ABTB2: variants seen among roughly 807,000 people sequenced by gnomAD.
The protein encoded by ABTB2 is ankyrin repeat and BTB domain containing 2, also known as ankyrin repeat and BTB/POZ domain-containing protein 2.
In ABTB2, 56 loss-of-function variants were observed where a neutral mutation model predicts 104.1. The ratio of observed to expected loss-of-function variants is 0.54; its 90% CI spans 0.43 to 0.67. The LOEUF (loss-of-function observed/expected upper bound fraction) is 0.67. Ranked by LOEUF, ABTB2 falls within the 30% of genes least tolerant of loss-of-function variation. ABTB2 has a pLI of 0.00. For synonymous variants in ABTB2, 606 were observed against 608.2 expected (o/e 1.00, Z 0.05); for missense variants, 1,279 against 1,407.7 (o/e 0.91, Z 1.46).
At chr11:34,273,435 G>A (rs1014478307) in intron 1 of ABTB2, among the ~76,000 whole-genome samples, 1 of 152,174 alleles carries the variant, frequency 6.6e-6, no homozygotes, top group East Asian at 1.9e-4. Context: ...AGCTGGCAGG[G>A]GATGCAGAAG....
At chr11:34,283,845 A>C (rs536364535) in intron 1 of ABTB2, among the ~76,000 whole-genome samples, 19 of 152,330 alleles carry the variant, frequency 1.2e-4, no homozygotes, top group Admixed American at 1.1e-3. Context: ...CAGGCTTCCA[A>C]CTGGCTTTCT....
chr11:34,163,529 GACCCAGGCTC>G (rs1852752753), intron 9 of ABTB2, among the ~76,000 whole-genome samples: 1 of 152,310 alleles, frequency 6.6e-6, no homozygotes, highest in South Asian at 2.1e-4. Flanking sequence ...CTGGCTCCAA[GACCCAGGCTC>G]ATTCTGTCAC....
chr11:34,167,420 C>A, intron 6 of ABTB2, 60 bp from the exon 7 acceptor site: 1 of 1,411,254 alleles, frequency 7.1e-7, no homozygotes. Context: ...GAGTACCCTG[C>A]AGGGATGGTG....
At chr11:34,345,434 T>C (rs1590265043) in intron 1 of ABTB2, among the ~76,000 whole-genome samples, 1 of 152,282 alleles carries the variant, frequency 6.6e-6, no homozygotes, top group South Asian at 2.1e-4. Flanking sequence ...CCTGGAACAG[T>C]GCCCAGCACA....
intron 1 of ABTB2, among the ~76,000 whole-genome samples, chr11:34,219,787 C>T (rs1853594531): frequency 6.6e-6 from 1 of 152,188 alleles, no homozygotes; most frequent in Non-Finnish European, 1.5e-5. Context: ...CATAAGTACA[C>T]ACTATGATGT....
In ABTB2 at chr11:34,170,899, G is replaced by A; in HGVS notation, c.1563+7C>T. On this transcript the variant is annotated splice_region_variant and intron_variant, in intron 5 of 16. Transcript: ENST00000435224. ...GTGCCTGTCTTTGTGGAGCTCTCAGGACGTACCTGGTCATCCATGGTGTTA... is the reference window on the plus strand; with the variant it reads ...GTGCCTGTCTTTGTGGAGCTCTCAGAACGTACCTGGTCATCCATGGTGTTA... 1.9e-6 allele frequency: 3 copies of A among 1,612,758 alleles called. No homozygotes were observed. Among genetic ancestry groups the A allele is most frequent in the Non-Finnish European group, 2.5e-6 (3 of 1,179,302 alleles).
intron 1 of ABTB2, among the ~76,000 whole-genome samples, chr11:34,234,880 CAG>C (rs1719180689): frequency 6.6e-6 from 1 of 152,156 alleles, no homozygotes; most frequent in Non-Finnish European, 1.5e-5. Flanking sequence ...ATTTTTGAGA[CAG>C]AGTCTCGCTC....
At chr11:34,199,950 G>A (rs958184981) in intron 2 of ABTB2, among the ~76,000 whole-genome samples, 3 of 152,108 alleles carry the variant, frequency 2.0e-5, no homozygotes, top group East Asian at 1.9e-4. Context: ...ACTGCCTGCC[G>A]TCAAACTCTG....
In ABTB2 at chr11:34,204,661, G is replaced by T; in HGVS notation, c.913C>A (p.Pro305Thr). The T allele has an allele frequency of 6.2e-7, 1 of 1,614,002 alleles. No homozygotes were observed. The highest frequency in any genetic ancestry group is 8.5e-7 in the Non-Finnish European group (1 of 1,179,964). Reference protein sequence around the residue: ...GVLSLPAYFSPYNGGSLGHDE... With the variant: ...GVLSLPAYFSTYNGGSLGHDE... Reference sequence around the variant, plus strand: ...TGGCCCAGGGACCCGCCGTTGTAGGGGCTGAAGTATGCGGGGAGGGAGAGG... The same window carrying T: ...TGGCCCAGGGACCCGCCGTTGTAGGTGCTGAAGTATGCGGGGAGGGAGAGG... The change falls in exon 2 of 17, where the codon CCC (proline) becomes ACC (threonine). Residue 305 changes from proline (P) to threonine (T), a missense_variant. Coordinates refer to ENST00000435224, the MANE Select transcript of ABTB2 (RefSeq NM_145804.3).
intron 4 of ABTB2, among the ~76,000 whole-genome samples, chr11:34,172,092 G>A (rs1390518579): frequency 5.3e-5 from 8 of 151,952 alleles, no homozygotes; most frequent in African/African-American, 1.2e-4. Context: ...AAGATATAAG[G>A]CCAGGAGCAG....
chr11:34,154,779 G>T lies in ABTB2; in HGVS notation c.2698-10C>A. On this transcript the variant is annotated splice_polypyrimidine_tract_variant and intron_variant, in intron 14 of 16. Transcript: ENST00000435224. The surrounding 1 kb of genome is among the most constrained non-coding windows in gnomAD (Gnocchi z 4.9). Reference sequence around the variant, plus strand: ...GATACTGCATCATCATCTGTGGTGGGAAGAGGCCCATGTGAATGCCACGTG... The same window carrying T: ...GATACTGCATCATCATCTGTGGTGGTAAGAGGCCCATGTGAATGCCACGTG... 1 of 1,613,928 alleles carries T rather than the reference G, an allele frequency of 6.2e-7. No homozygotes were observed. Among genetic ancestry groups the T allele is most frequent in the Non-Finnish European group, 8.5e-7 (1 of 1,179,864 alleles).
chr11:34,309,857 GT>G (rs1854829200), intron 1 of ABTB2, among the ~76,000 whole-genome samples: 1 of 150,116 alleles, frequency 6.7e-6, no homozygotes, highest in African/African-American at 2.4e-5. Flanking sequence ...TTATTGATTT[GT>G]GATATGTGTG....
intron 3 of ABTB2, among the ~76,000 whole-genome samples, chr11:34,185,409 C>T (rs906512504): frequency 6.6e-6 from 1 of 152,228 alleles, no homozygotes; most frequent in African/African-American, 2.4e-5. Context: ...AGGGCAGCTG[C>T]AGGGAAGACT....
At chr11:34,298,607 C>T (rs555319928) in intron 1 of ABTB2, among the ~76,000 whole-genome samples, 15 of 152,102 alleles carry the variant, frequency 9.9e-5, no homozygotes, top group Non-Finnish European at 2.1e-4. Context: ...GAACTACAGG[C>T]GCAGAACACC....
chr11:34,235,632 G>A (rs1157844482), intron 1 of ABTB2, among the ~76,000 whole-genome samples: 9 of 152,160 alleles, frequency 5.9e-5, no homozygotes, highest in Admixed American at 3.3e-4. Context: ...CTTCCTAAGA[G>A]GATTTGCCTA....
intron 1 of ABTB2, among the ~76,000 whole-genome samples, chr11:34,348,210 G>A (rs996389591): frequency 2.0e-5 from 3 of 152,162 alleles, no homozygotes; most frequent in Non-Finnish European, 4.4e-5. Context: ...TTGAGGTCAA[G>A]CTTTCAATCA....
In ABTB2 at chr11:34,154,483, C is replaced by A; in HGVS notation, c.2767-105G>T. ...GTGCCGTGTGCCCTGCTGCCTCCAC[C>A]CTCAGGCCCCACTACCTTCTGATAC... On this transcript the variant is annotated intron_variant, in intron 15 of 16. Coordinates refer to ENST00000435224, the MANE Select transcript of ABTB2 (RefSeq NM_145804.3). This position sits in a 1 kb window ranked among gnomAD's most constrained non-coding sequence, Gnocchi z 4.9. 2 of 901,796 alleles carry A rather than the reference C, an allele frequency of 2.2e-6. No homozygotes were observed. The highest frequency in any genetic ancestry group is 1.7e-6 in the Non-Finnish European group (1 of 574,182). 55.9% of individuals were successfully genotyped at this position (901,796 alleles called of 1,614,324 possible). A position where few individuals can be genotyped will look rare whatever the true frequency, so the allele number is the denominator to read the frequency against.
intron 2 of ABTB2, among the ~76,000 whole-genome samples, chr11:34,203,573 C>T (rs142491614): frequency 7.3e-4 from 111 of 152,294 alleles, no homozygotes; most frequent in Admixed American, 2.4e-3. Flanking sequence ...GCCCTGCCTA[C>T]TGTAATGTCA....
At chr11:34,227,109 A>G (rs2133054152) in intron 1 of ABTB2, among the ~76,000 whole-genome samples, 1 of 152,106 alleles carries the variant, frequency 6.6e-6, no homozygotes, top group South Asian at 2.1e-4. Context: ...TCCCGTCTGT[A>G]CTAAAAACAC....
Sources: allele counts gnomAD v4.1 joint callset (sites outside exome capture counted in the v4.1 genomes callset), GRCh38; gene constraint gnomAD v4.1.1; non-coding constraint Gnocchi (gnomAD v3.1); transcripts MANE v1.5; gene names NCBI Gene and HGNC (gene_info 2026-07-23, HGNC 2026-07-21).